The following ANKRD11 variants were observed in gnomAD, a reference collection of about 807,000 sequenced individuals.
ANKRD11 encodes ankyrin repeat domain 11.
ANKRD11 carries 17 observed loss-of-function variants against 195.7 expected under a neutral mutation model. That is an observed-to-expected ratio of 0.09 (90% CI 0.06 to 0.13). The LOEUF (loss-of-function observed/expected upper bound fraction) is 0.13, where lower values mean the gene tolerates loss of function less well. Among genes scored for constraint, ANKRD11 ranks in the 10% least tolerant of loss-of-function variants. The pLI, the probability that ANKRD11 is intolerant of heterozygous loss-of-function variation, is 1.00. For synonymous variants in ANKRD11, 1,953 were observed against 1,528.1 expected, an observed-to-expected ratio of 1.28 and a Z score of -6.49; for missense variants, 3,735 against 3,566.1, an observed-to-expected ratio of 1.05 and a Z score of -1.21.
intron 2 of ANKRD11, chr16:89,403,567 C>A (rs2041790535): frequency 6.6e-6 from 1 of 152,160 alleles, no homozygotes; most frequent in Admixed American, 6.5e-5. Flanking sequence ...AAAAAGTACA[C>A]CACCAAACAG....
At chr16:89,313,270 G>A (rs1481220133) in intron 3 of ANKRD11, 2 of 1,272,772 alleles carry the variant, frequency 1.6e-6, no homozygotes, top group Non-Finnish European at 2.0e-6. Context: ...GGGACGACAG[G>A]GGACCCATGG....
At chr16:89,487,272 G>A (rs565217717) in intron 1 of ANKRD11, among the ~76,000 whole-genome samples, 59 of 152,272 alleles carry the variant, frequency 3.9e-4, no homozygotes, top group African/African-American at 1.3e-3. Context: ...TTACACTTAC[G>A]ATTTGAGGAT....
intron 1 of ANKRD11, among the ~76,000 whole-genome samples, chr16:89,487,008 C>CAAAAA (rs11384395): frequency 1.6e-5 from 2 of 126,554 alleles, no homozygotes; most frequent in African/African-American, 6.2e-5. Flanking sequence ...GACTCCGTCT[C>CAAAAA]AAAAAAAAAA....
intron 1 of ANKRD11, among the ~76,000 whole-genome samples, chr16:89,460,358 G>A (rs2056608864): frequency 6.6e-6 from 1 of 151,886 alleles, no homozygotes; most frequent in Non-Finnish European, 1.5e-5. Flanking sequence ...AGGAGTTCAA[G>A]ACCAGCCTGG....
chr16:89,480,004 G>A (rs573085290), intron 1 of ANKRD11, among the ~76,000 whole-genome samples: 18 of 150,812 alleles, frequency 1.2e-4, no homozygotes, highest in African/African-American at 4.4e-4. Context: ...CCAGCTACTC[G>A]GGAGGCTGAG....
At chr16:89,313,353 G>C in intron 3 of ANKRD11, 1 of 1,287,532 alleles carries the variant, frequency 7.8e-7, no homozygotes. Context: ...GCAGACACCT[G>C]CTGGTTCTTC....
intron 2 of ANKRD11, among the ~76,000 whole-genome samples, chr16:89,380,143 C>T (rs192791162): frequency 7.4e-4 from 112 of 152,248 alleles, no homozygotes; most frequent in Admixed American, 1.2e-3. Flanking sequence ...GACAGAGTCT[C>T]ATTCTGTCAC....
rs545642429 is a variant in ANKRD11, at chr16:89,314,681, G to A, written c.87+2252C>T. On this transcript the variant is annotated intron_variant, in intron 3 of 12. Transcript: ENST00000301030. ...ATAAGCATATCTGAGACCTGAGCCA[G>A]GAGAGCTCCCTCTTTCCTCCACTGC... 7.5e-4 allele frequency among the ~76,000 whole-genome samples: 114 copies of A among 152,296 alleles called. 2 individuals are homozygous for A. Among genetic ancestry groups the A allele is most frequent in the East Asian group, 1.2e-3 (6 of 5,182 alleles).
intron 1 of ANKRD11, among the ~76,000 whole-genome samples, chr16:89,476,658 A>G (rs1441762906): frequency 6.6e-6 from 1 of 152,196 alleles, no homozygotes; most frequent in Non-Finnish European, 1.5e-5. Flanking sequence ...TAGCCTGCCA[A>G]AAAAGACTTC....
intron 1 of ANKRD11, among the ~76,000 whole-genome samples, chr16:89,454,860 C>T (rs1441419879): frequency 3.2e-5 from 3 of 94,258 alleles, no homozygotes; most frequent in African/African-American, 1.4e-4. Flanking sequence ...TTCTAGGGTT[C>T]CTCAAGCTGC....
chr16:89,293,638 G>A (rs1321890697), intron 4 of ANKRD11, among the ~76,000 whole-genome samples: 10 of 118,446 alleles, frequency 8.4e-5, no homozygotes, highest in Non-Finnish European at 7.0e-5. Flanking sequence ...TTGGGGCTGC[G>A]GAGGGGAGGA....
chr16:89,363,220 G>C (rs1484576913), intron 2 of ANKRD11, among the ~76,000 whole-genome samples: 1 of 152,150 alleles, frequency 6.6e-6, no homozygotes, highest in Non-Finnish European at 1.5e-5. Flanking sequence ...TCAGAAATAG[G>C]TAAGTTTTCA....
chr16:89,470,321 C>T (rs2057034248), intron 1 of ANKRD11, among the ~76,000 whole-genome samples: 1 of 152,098 alleles, frequency 6.6e-6, no homozygotes, highest in South Asian at 2.1e-4. Flanking sequence ...ACAAATCCTG[C>T]CCTGTAGAAA....
chr16:89,384,908 G>C (rs1426320839), intron 2 of ANKRD11, among the ~76,000 whole-genome samples: 1 of 19,830 alleles, frequency 5.0e-5, no homozygotes. Context: ...TTTTTTTTTT[G>C]AGACTACGTT....
At chr16:89,270,965 G>A (rs1306299633) in intron 11 of ANKRD11, 56 bp from the exon 12 acceptor site, 4 of 1,560,728 alleles carry the variant, frequency 2.6e-6, no homozygotes, top group South Asian at 2.2e-5. Flanking sequence ...GCTACGGGAA[G>A]GCATGCCAGC....
At position 89,283,499 on chromosome 16, in the gene ANKRD11, G is replaced by A. The variant is rs1351803696; in HGVS notation, c.3043C>T (p.Pro1015Ser). ...GTCTTCTCCTTCCTTTCCTTATCGG[G>A]GCCATCCTTCTTCTCCTTCTCTCGT... ...PAREKEKKDG[P>S]DKERKEKTKP... Residue 1015 changes from proline to serine, a missense_variant, in exon 9 of 13, where the codon CCC (proline) becomes TCC (serine). Coordinates refer to ENST00000301030, the MANE Select transcript of ANKRD11 (RefSeq NM_013275.6). The surrounding 1 kb of genome is among the most constrained non-coding windows in gnomAD (Gnocchi z 4.3). 6.2e-7 allele frequency: 1 copy of A among 1,613,696 alleles called. No homozygotes were observed. Among genetic ancestry groups the A allele is most frequent in the Admixed American group, 1.7e-5 (1 of 59,990 alleles).
At chr16:89,323,103 G>T (rs2037436503) in intron 2 of ANKRD11, 1 of 318,672 alleles carries the variant, frequency 3.1e-6, no homozygotes, top group Non-Finnish European at 6.1e-6. Context: ...TTCCAGCTGA[G>T]CCCTGCCGGC....
chr16:89,319,092 A>T (rs2037141226), intron 2 of ANKRD11, among the ~76,000 whole-genome samples: 1 of 152,226 alleles, frequency 6.6e-6, no homozygotes, highest in Admixed American at 6.5e-5. Flanking sequence ...ATTTTAAAAA[A>T]TCCAGACTGT....
chr16:89,280,946 G>A lies in ANKRD11; in HGVS notation c.5596C>T (p.His1866Tyr), dbSNP rs1183959319. Residue 1866 changes from histidine (H) to tyrosine (Y), a missense_variant, in exon 9 of 13, where the codon CAC becomes TAC. Physicochemically the swap from His to Tyr is moderately conservative, Grantham distance 83. Coordinates refer to ENST00000301030, the MANE Select transcript of ANKRD11 (RefSeq NM_013275.6). ...GTGACAACGGCAGCCGGTGGGCAGT[G>A]CAAAGCGTCGACTTTGGGCGACGGG... ...GLPSPKVDAL[H>Y]CPPAAVVTVT... 1.3e-6 allele frequency: 2 copies of A among 1,581,408 alleles called. No individual in the cohort carries two copies. The highest frequency in any genetic ancestry group is 2.3e-5 in the South Asian group (2 of 87,118).
Sources: gnomAD v4.1 joint callset for allele counts (sites outside exome capture counted in the v4.1 genomes callset) on GRCh38, gnomAD v4.1.1 for gene constraint, Gnocchi (gnomAD v3.1) non-coding constraint, MANE v1.5 for transcripts, NCBI Gene and HGNC (gene_info 2026-07-23, HGNC 2026-07-21) for gene names.